The following TTC1 variants were observed in gnomAD, a reference collection of about 807,000 sequenced individuals.
TTC1 encodes tetratricopeptide repeat protein 1.
TTC1 carries 31 observed loss-of-function variants against 37.6 expected under a neutral mutation model. The ratio of observed to expected loss-of-function variants is 0.82; its 90% CI spans 0.62 to 1.11. The LOEUF (loss-of-function observed/expected upper bound fraction) is 1.11. Among genes scored for constraint, TTC1 ranks in the 50% most tolerant of loss-of-function variants. The pLI is 0.00. For synonymous variants in TTC1, 127 were observed against 122.4 expected (o/e 1.04, Z -0.25); for missense variants, 351 against 339.0 (o/e 1.04, Z -0.28).
chr5:160,020,267 C>G (rs535796877), intron 2 of TTC1, among the ~76,000 whole-genome samples: 2 of 152,310 alleles, frequency 1.3e-5, no homozygotes, highest in East Asian at 3.9e-4. Flanking sequence ...CACTGTTGAA[C>G]TTAATGCTGT....
intron 5 of TTC1, among the ~76,000 whole-genome samples, chr5:160,046,600 A>G (rs983135427): frequency 5.3e-5 from 8 of 152,168 alleles, no homozygotes; most frequent in African/African-American, 1.9e-4. Flanking sequence ...GTATATTTCA[A>G]AACATGTTAT....
chr5:160,020,134 G>A (rs1475998211), intron 2 of TTC1, among the ~76,000 whole-genome samples: 4 of 151,994 alleles, frequency 2.6e-5, no homozygotes, highest in African/African-American at 4.8e-5. Flanking sequence ...TCACCATGTT[G>A]GCCAGGCTGG....
At chr5:160,058,450 G>A (rs1369526286) in intron 7 of TTC1, among the ~76,000 whole-genome samples, 59 of 140,082 alleles carry the variant, frequency 4.2e-4, no homozygotes, top group African/African-American at 1.4e-3. Context: ...TCGCTGTGTC[G>A]CCCAGGCTGG....
intron 7 of TTC1, among the ~76,000 whole-genome samples, chr5:160,056,849 C>T (rs1757560371): frequency 6.6e-6 from 1 of 152,180 alleles, no homozygotes; most frequent in Non-Finnish European, 1.5e-5. Context: ...ACATTGTGTG[C>T]TTTTCTGCTT....
rs142686486 is a variant in TTC1 at position 160,051,805 on chromosome 5, ACTTAAGT to A, written c.745+626_745+632del. Among the ~76,000 whole-genome samples, 701 of 152,326 alleles carry A rather than the reference ACTTAAGT, an allele frequency of 4.6e-3. 8 individuals are homozygous for A. The highest frequency in any genetic ancestry group is 0.016 in the African/African-American group (665 of 41,562). Reference sequence around the variant, plus strand: ...GAGGAGTGAGGGTTCCTGAACACAGACTTAAGTCTTTTCCACATGTAACCTGTCTGAT... The same window carrying A: ...GAGGAGTGAGGGTTCCTGAACACAGACTTTTCCACATGTAACCTGTCTGAT... On this transcript the variant is annotated intron_variant, in intron 7 of 7. Coordinates refer to ENST00000231238, the MANE Select transcript of TTC1 (RefSeq NM_003314.3).
chr5:160,017,769 A>T (rs1487471855), intron 2 of TTC1, among the ~76,000 whole-genome samples: 1 of 152,226 alleles, frequency 6.6e-6, no homozygotes, highest in Non-Finnish European at 1.5e-5. Context: ...ATAGCTGTTG[A>T]ATGAATAGCA....
At chr5:160,045,520 A>ACACACACACACTCTCTCTCT (rs1202139318) in intron 5 of TTC1, among the ~76,000 whole-genome samples, 2 of 54,884 alleles carry the variant, frequency 3.6e-5, no homozygotes, top group Admixed American at 2.3e-4. Context: ...ACACATACAC[A>ACACACACACACTCTCTCTCT]CTCTCTCTCT....
At chr5:160,062,269 T>C (rs978010939) in intron 7 of TTC1, among the ~76,000 whole-genome samples, 12 of 152,222 alleles carry the variant, frequency 7.9e-5, no homozygotes, top group African/African-American at 2.7e-4. Context: ...TAGCTTGGAA[T>C]GGTCTTTCTG....
intron 7 of TTC1, among the ~76,000 whole-genome samples, chr5:160,063,264 G>A (rs192628817): frequency 9.8e-5 from 15 of 152,288 alleles, no homozygotes; most frequent in African/African-American, 3.4e-4. Flanking sequence ...TACCCAGGCT[G>A]GAGTGCAATG....
At chr5:160,059,358 A>C (rs1757634895) in intron 7 of TTC1, among the ~76,000 whole-genome samples, 1 of 152,218 alleles carries the variant, frequency 6.6e-6, no homozygotes, top group African/African-American at 2.4e-5. Flanking sequence ...TTCCTCACTC[A>C]ACCTTGGTAG....
intron 4 of TTC1, among the ~76,000 whole-genome samples, chr5:160,040,594 G>T (rs1413011138): frequency 6.6e-6 from 1 of 151,746 alleles, no homozygotes; most frequent in African/African-American, 2.4e-5. Flanking sequence ...TCTCTTCTGA[G>T]CTGGGGCAGG....
intron 5 of TTC1, among the ~76,000 whole-genome samples, chr5:160,046,687 G>A (rs1343632100): frequency 6.6e-6 from 1 of 152,116 alleles, no homozygotes; most frequent in Non-Finnish European, 1.5e-5. Context: ...AATTAAGACA[G>A]AAGGAAAATG....
chr5:160,048,562 G>A (rs180813712), intron 5 of TTC1, among the ~76,000 whole-genome samples: 5 of 152,294 alleles, frequency 3.3e-5, no homozygotes, highest in Admixed American at 3.3e-4. Context: ...GCTGATGCTG[G>A]ATAAAGGAAA....
chr5:160,030,473 A>G (rs572958892), intron 2 of TTC1, among the ~76,000 whole-genome samples: 1 of 152,198 alleles, frequency 6.6e-6, no homozygotes, highest in Non-Finnish European at 1.5e-5. Context: ...CCACCTCTCA[A>G]AATTATCTTG....
At chr5:160,051,282 G>A (rs369965069) in intron 7 of TTC1, 99 bp downstream of exon 7, 8 of 943,838 alleles carry the variant, frequency 8.5e-6, no homozygotes, top group Middle Eastern at 2.3e-4. Context: ...AGAAAGTTTC[G>A]GACTCTACCA....
chr5:160,038,640 GTTCTT>G (rs1757035457), intron 4 of TTC1, among the ~76,000 whole-genome samples: 1 of 144,842 alleles, frequency 6.9e-6, no homozygotes, highest in African/African-American at 2.5e-5. Context: ...GAAGTTTTCT[GTTCTT>G]TTAAGTTGCG....
intron 2 of TTC1, among the ~76,000 whole-genome samples, chr5:160,024,344 T>A (rs976999570): frequency 6.6e-6 from 1 of 152,196 alleles, no homozygotes. Flanking sequence ...TACATATCCA[T>A]AGTGCAGTTA....
At position 160,061,958 on chromosome 5, in the gene TTC1, CA is replaced by C. The variant is rs1477038362; in HGVS notation, c.746-2971del. On this transcript the variant is annotated intron_variant, in intron 7 of 7. Coordinates refer to ENST00000231238, the MANE Select transcript of TTC1 (RefSeq NM_003314.3). ...GAGTGTGGTGCTGAGAAAGTTTCAG[CA>C]AAGCCATTGGGGAGCCAGTGCTGCC... 4 of 152,386 alleles carry C rather than the reference CA, an allele frequency of 2.6e-5. No homozygotes were observed. The East Asian group carries it at 7.7e-4, about 29-fold the overall frequency. 9.4% of individuals were successfully genotyped at this position (152,386 alleles called of 1,614,324 possible). A position where few individuals can be genotyped will look rare whatever the true frequency, so the allele number is the denominator to read the frequency against.
intron 2 of TTC1, among the ~76,000 whole-genome samples, chr5:160,032,702 CTTTTTTTTTTTTTTTTTTTT>C (rs70987990): frequency 1.3e-5 from 1 of 74,684 alleles, no homozygotes; most frequent in Non-Finnish European, 2.5e-5. Flanking sequence ...TACCTGCTTT[CTTTTTTTTTTTTTTTTTTTT>C]TTTTTTTTTT....
Sources: allele counts gnomAD v4.1 joint callset (sites outside exome capture counted in the v4.1 genomes callset), GRCh38; gene constraint gnomAD v4.1.1; transcripts MANE v1.5; gene names NCBI Gene and HGNC (gene_info 2026-07-23, HGNC 2026-07-21).